Variants in NFATC2 observed in about 807,000 individuals in gnomAD.
The protein encoded by NFATC2 is nuclear factor of activated T-cells, cytoplasmic 2.
A neutral mutation model predicts 87.3 loss-of-function variants in NFATC2; 22 were observed. The ratio of observed to expected loss-of-function variants is 0.25; its 90% CI spans 0.18 to 0.36. NFATC2 has a LOEUF of 0.36. Ranked by LOEUF, NFATC2 falls within the 10% of genes least tolerant of loss-of-function variation. The pLI, the probability that NFATC2 is intolerant of heterozygous loss-of-function variation, is 1.00. For missense variants in NFATC2, 1,149 were observed against 1,259.1 expected, an observed-to-expected ratio of 0.91 and a Z score of 1.32; for synonymous variants, 565 against 542.2, an observed-to-expected ratio of 1.04 and a Z score of -0.58.
chr20:51,561,397 G>A (rs1008437938), intron 1 of NFATC2, among the ~76,000 whole-genome samples: 2 of 137,450 alleles, frequency 1.5e-5, no homozygotes, highest in Non-Finnish European at 3.1e-5. Context: ...AAGAAAGAGA[G>A]AGAAAGAAAA....
At chr20:51,472,713 G>T (rs898339745) in intron 5 of NFATC2, among the ~76,000 whole-genome samples, 1 of 134,638 alleles carries the variant, frequency 7.4e-6, no homozygotes, top group Non-Finnish European at 1.5e-5. Context: ...TCAGCTCATC[G>T]CAACCTCCAC....
Position 51,513,356 on chromosome 20 carries a change from A to G in NFATC2, c.1332+3428T>C, listed in dbSNP as rs186503336. On this transcript the variant is annotated intron_variant, in intron 3 of 10. Coordinates refer to ENST00000371564, the MANE Select transcript of NFATC2 (RefSeq NM_012340.5). ...AGCTGGGCATGGTGGTAACACGCCT[A>G]TAGTCCCAACTACTCAGGAGGCTGA... Among the ~76,000 whole-genome samples, 9 of 152,254 alleles carry G rather than the reference A, an allele frequency of 5.9e-5. No homozygotes were observed. The East Asian group carries it at 1.7e-3, about 29-fold the overall frequency.
chr20:51,397,274 T>G (rs941401424), intron 10 of NFATC2, among the ~76,000 whole-genome samples: 1 of 152,204 alleles, frequency 6.6e-6, no homozygotes, highest in South Asian at 2.1e-4. Flanking sequence ...CTAAGTAACT[T>G]CCCAGTGTTC....
intron 5 of NFATC2, among the ~76,000 whole-genome samples, chr20:51,469,289 T>C (rs978802382): frequency 2.0e-5 from 3 of 152,158 alleles, no homozygotes; most frequent in African/African-American, 7.2e-5. Flanking sequence ...AGCACTGAGA[T>C]TATAGACGTG....
chr20:51,464,629 C>T (rs1032629134), intron 5 of NFATC2, among the ~76,000 whole-genome samples: 2 of 149,994 alleles, frequency 1.3e-5, no homozygotes, highest in African/African-American at 4.9e-5. Context: ...AGATTTACCA[C>T]TACAGGATCT....
At chr20:51,393,864 G>C (rs1011039133) in intron 10 of NFATC2, among the ~76,000 whole-genome samples, 1 of 152,188 alleles carries the variant, frequency 6.6e-6, no homozygotes, top group African/African-American at 2.4e-5. Context: ...AGGCCCTCTC[G>C]AAGGGCTGTT....
rs561710731 is a variant in NFATC2, at chr20:51,551,887, T to C, written c.70+10673A>G. Among the ~76,000 whole-genome samples the C allele has an allele frequency of 1.6e-4, 24 of 150,766 alleles. No homozygotes were observed. The East Asian group carries it at 3.5e-3, about 22-fold the overall frequency. On this transcript the variant is annotated intron_variant, in intron 1 of 10. Transcript: ENST00000414705. ...CTAAAAATACAAAAAGTTAGCCGGGTGTGGTGGCGGGTGCCTGTAGTCCCA... is the reference window on the plus strand; with the variant it reads ...CTAAAAATACAAAAAGTTAGCCGGGCGTGGTGGCGGGTGCCTGTAGTCCCA...
chr20:51,545,331 G>C (rs892305871), upstream of NFATC2, among the ~76,000 whole-genome samples: 3 of 152,086 alleles, frequency 2.0e-5, no homozygotes, highest in African/African-American at 7.2e-5. Flanking sequence ...TGTGTTCCTT[G>C]GGGAAACTAC....
At chr20:51,561,312 C>G (rs1225597601) in intron 1 of NFATC2, among the ~76,000 whole-genome samples, 1 of 112,670 alleles carries the variant, frequency 8.9e-6, no homozygotes, top group Non-Finnish European at 1.7e-5. Context: ...AGGCATTTGG[C>G]TTCAATCTAG....
At chr20:51,504,019 GTTTT>G (rs1009157172) in intron 3 of NFATC2, among the ~76,000 whole-genome samples, 1 of 150,220 alleles carries the variant, frequency 6.7e-6, no homozygotes, top group African/African-American at 2.5e-5. Flanking sequence ...AATTTTTGGG[GTTTT>G]TTTGTTTGCT....
chr20:51,397,277 C>T (rs1987304951), intron 10 of NFATC2, among the ~76,000 whole-genome samples: 2 of 152,210 alleles, frequency 1.3e-5, no homozygotes, highest in South Asian at 4.1e-4. Flanking sequence ...AGTAACTTCC[C>T]AGTGTTCATC....
intron 2 of NFATC2, among the ~76,000 whole-genome samples, chr20:51,519,165 G>A (rs573237611): frequency 2.0e-5 from 3 of 152,238 alleles, no homozygotes; most frequent in Non-Finnish European, 2.9e-5. Flanking sequence ...CAAGTGAAAA[G>A]TTTTTAAAGG....
At chr20:51,399,250 A>AAAAAAAGCTCCTGCCCTATCAG (rs1305430937) in intron 9 of NFATC2, 2 of 154,032 alleles carry the variant, frequency 1.3e-5, no homozygotes, top group African/African-American at 2.4e-5. Flanking sequence ...CAACAATGGA[A>AAAAAAAGCTCCTGCCCTATCAG]AAAAAAGCTC....
intron 1 of NFATC2, among the ~76,000 whole-genome samples, chr20:51,551,316 G>A (rs889533193): frequency 1.4e-4 from 21 of 152,166 alleles, no homozygotes; most frequent in Admixed American, 9.2e-4. Context: ...AATAAAGACA[G>A]GGTCAGTAAC....
At chr20:51,508,266 C>T (rs1356481509) in intron 3 of NFATC2, among the ~76,000 whole-genome samples, 2 of 152,078 alleles carry the variant, frequency 1.3e-5, no homozygotes, top group Non-Finnish European at 2.9e-5. Flanking sequence ...ACCACGCCAC[C>T]TCTCTGCCTG....
Position 51,539,051 on chromosome 20 carries a change from C to A in NFATC2, c.130+3319G>T, listed in dbSNP as rs1056936932. On this transcript the variant is annotated intron_variant, in intron 1 of 10. Coordinates refer to ENST00000371564, the MANE Select transcript of NFATC2 (RefSeq NM_012340.5). ...ATTACTTTACCTCTCTGTGCCTTAGCGTCCTCCTCCATAAAACAGGGGTGA... is the reference window on the plus strand; with the variant it reads ...ATTACTTTACCTCTCTGTGCCTTAGAGTCCTCCTCCATAAAACAGGGGTGA... Among the ~76,000 whole-genome samples the A allele has an allele frequency of 3.3e-5, 5 of 152,102 alleles. No individual in the cohort carries two copies. The South Asian group carries it at 6.2e-4, about 19-fold the overall frequency.
intron 3 of NFATC2, among the ~76,000 whole-genome samples, chr20:51,513,654 T>G (rs1006494901): frequency 6.6e-6 from 1 of 152,188 alleles, no homozygotes; most frequent in Non-Finnish European, 1.5e-5. Context: ...CAGCCCCTGA[T>G]GAATGGGTGA....
At chr20:51,442,483 C>T (rs796493694) in intron 6 of NFATC2, among the ~76,000 whole-genome samples, 25 of 152,116 alleles carry the variant, frequency 1.6e-4, no homozygotes, top group African/African-American at 5.8e-4. Flanking sequence ...TAAAAAAATG[C>T]TGCAGACCAG....
At chr20:51,409,802 T>C (rs1006912888) in intron 9 of NFATC2, among the ~76,000 whole-genome samples, 103 of 152,296 alleles carry the variant, frequency 6.8e-4, no homozygotes, top group African/African-American at 2.4e-3. Flanking sequence ...AGTACAAAGA[T>C]GGCAAAGAGA....
Sources: allele counts gnomAD v4.1 joint callset (sites outside exome capture counted in the v4.1 genomes callset), GRCh38; gene constraint gnomAD v4.1.1; transcripts MANE v1.5; gene names NCBI Gene and HGNC (gene_info 2026-07-23, HGNC 2026-07-21).